Variants in UBR2 observed in about 807,000 individuals in gnomAD.
UBR2 encodes the protein E3 ubiquitin-protein ligase UBR2.
A neutral mutation model predicts 247.9 loss-of-function variants in UBR2; 92 were observed. The observed-to-expected ratio is 0.37, with a 90% confidence interval of 0.31 to 0.44. The LOEUF is 0.44. Ranked by LOEUF, UBR2 falls within the 20% of genes least tolerant of loss-of-function variation. The probability of loss-of-function intolerance (pLI) is 1.00; values close to 1 mark genes in which losing one functional copy is unlikely to be tolerated. For synonymous variants in UBR2, 672 were observed against 693.5 expected, an observed-to-expected ratio of 0.97 and a Z score of 0.49; for missense variants, 1,613 against 2,112.6, an observed-to-expected ratio of 0.76 and a Z score of 4.64.
intron 13 of UBR2, among the ~76,000 whole-genome samples, chr6:42,633,111 C>G (rs1190111270): frequency 6.6e-6 from 1 of 151,916 alleles, no homozygotes; most frequent in East Asian, 1.9e-4. Context: ...CTGCCTCAGC[C>G]TCCAAAGTTG....
chr6:42,656,111 A>G (rs746443833), intron 26 of UBR2, among the ~76,000 whole-genome samples: 4 of 152,200 alleles, frequency 2.6e-5, no homozygotes, highest in Non-Finnish European at 5.9e-5. Context: ...ATTGTCCAGT[A>G]AACATTCATA....
At chr6:42,654,497 G>T (rs1320764751) in intron 25 of UBR2, among the ~76,000 whole-genome samples, 1 of 152,092 alleles carries the variant, frequency 6.6e-6, no homozygotes, top group Non-Finnish European at 1.5e-5. Flanking sequence ...GGCCAAGGCG[G>T]GTAGATCACT....
At chr6:42,606,419 C>CCATTCCTTCAA (rs1409279987) in intron 6 of UBR2, among the ~76,000 whole-genome samples, 170 bp from the exon 7 acceptor site, 2 of 152,038 alleles carry the variant, frequency 1.3e-5, no homozygotes, top group Non-Finnish European at 2.9e-5. Flanking sequence ...GAAAAGTTAG[C>CCATTCCTTCAA]ATAGCTTTGA....
Position 42,646,285 on chromosome 6 carries a change from A to T in UBR2, c.2409+695A>T, listed in dbSNP as rs1029507594. Among the ~76,000 whole-genome samples the T allele has an allele frequency of 2.6e-5, 4 of 152,232 alleles. No individual in the cohort carries two copies. The South Asian group carries it at 8.3e-4, about 32-fold the overall frequency. On this transcript the variant is annotated intron_variant, in intron 21 of 46. Transcript: ENST00000372901. Reference sequence around the variant, plus strand: ...AAACCTTCAACCTTAATTAACATTTATTTTTCTGAGATTTCAACCTATCTT... The same window carrying T: ...AAACCTTCAACCTTAATTAACATTTTTTTTTCTGAGATTTCAACCTATCTT...
intron 2 of UBR2, among the ~76,000 whole-genome samples, chr6:42,590,433 A>G (rs1227929220): frequency 6.6e-6 from 1 of 152,248 alleles, no homozygotes; most frequent in African/African-American, 2.4e-5. Context: ...TGGCTCTCAG[A>G]TTGATATTTA....
At chr6:42,685,999 G>A (rs675721) in intron 44 of UBR2, among the ~76,000 whole-genome samples, 41,651 of 151,884 alleles carry the variant, frequency 0.27, 5,736 homozygotes, top group Non-Finnish European at 0.3. Flanking sequence ...TATTCTAAAT[G>A]GAATATTAAG....
chr6:42,632,715 A>G lies in UBR2; in HGVS notation c.1445A>G (p.Lys482Arg). Residue 482 changes from lysine (K) to arginine (R), a missense_variant and splice_region_variant, in exon 12 of 47, where the codon AAG becomes AGG. This residue lies in a region of UBR2 where 1,524 missense variants were observed against 1,967.3 expected (regional missense o/e 0.77). Transcript: ENST00000372901. Reference sequence around the variant, plus strand: ...GTACAGAGCCTTATTTTAGATCTCAAGTAAGTTTTCATTTAATTATTAAAC... The same window carrying G: ...GTACAGAGCCTTATTTTAGATCTCAGGTAAGTTTTCATTTAATTATTAAAC... The part of the protein sequence containing the change: ...RRVQSLILDL[K>R]YVLISKPTEW... The G allele has an allele frequency of 6.3e-7, 1 of 1,590,406 alleles. No homozygotes were observed. The highest frequency in any genetic ancestry group is 8.5e-7 in the Non-Finnish European group (1 of 1,171,948).
rs992011502 is a variant in UBR2, at chr6:42,616,489, T to TA, written c.1182+408dup. On this transcript the variant is annotated intron_variant, in intron 10 of 46. Coordinates refer to ENST00000372901, the MANE Select transcript of UBR2 (RefSeq NM_001363705.2). ...AAATTAGCATTGCAGTCTTAGTCTTTAAAAAAAAATAGATTTTTTTTTGGA... is the reference window on the plus strand; with the variant it reads ...AAATTAGCATTGCAGTCTTAGTCTTTAAAAAAAAAATAGATTTTTTTTTGGA... 1.9e-3 allele frequency among the ~76,000 whole-genome samples: 280 copies of TA among 150,690 alleles called. 1 individual carries two copies. The highest frequency in any genetic ancestry group is 9.9e-3 in the South Asian group (47 of 4,762).
At chr6:42,684,761 T>C (rs1799276835) in intron 43 of UBR2, 33 bp from the exon 44 acceptor site, 1 of 1,528,520 alleles carries the variant, frequency 6.5e-7, no homozygotes, top group Admixed American at 1.7e-5. Context: ...CCTAAATTAA[T>C]GGAGTGTTCT....
chr6:42,637,046 C>T lies in UBR2; in HGVS notation c.1710C>T (p.Leu570=), dbSNP rs762451751. 14 of 1,613,318 alleles carry T rather than the reference C, an allele frequency of 8.7e-6. No individual in the cohort carries two copies. Among genetic ancestry groups the T allele is most frequent in the East Asian group, 6.7e-5 (3 of 44,868 alleles). ...KVLIEAYKKC[L]AVLMQCHGGY... ...TAATCGAAGCTTACAAGAAATGTCT[C>T]GCTGTACTGATGCAGTGTCATGGTG... is the stretch of plus-strand genomic sequence containing the variant. The change falls in exon 15 of 47, where the codon CTC becomes CTT. Residue 570 remains leucine (L), a synonymous_variant. Coordinates refer to ENST00000372901, the MANE Select transcript of UBR2 (RefSeq NM_001363705.2).
chr6:42,566,337 C>T (rs1254159464), intron 1 of UBR2, among the ~76,000 whole-genome samples: 1 of 152,170 alleles, frequency 6.6e-6, no homozygotes, highest in African/African-American at 2.4e-5. Context: ...ATTTGGACTT[C>T]ATTTGAGTTT....
chr6:42,642,781 T>C (rs1343750273), intron 18 of UBR2, among the ~76,000 whole-genome samples: 3 of 152,222 alleles, frequency 2.0e-5, no homozygotes, highest in Admixed American at 6.5e-5. Context: ...TAAAGTCATA[T>C]ACCTGAAAGC....
At chr6:42,633,049 G>A (rs1795856916) in intron 13 of UBR2, 145 bp downstream of exon 13, 3 of 534,448 alleles carry the variant, frequency 5.6e-6, no homozygotes, top group Admixed American at 8.0e-5. Flanking sequence ...GCTAGTCATA[G>A]ACACAACCAT....
intron 1 of UBR2, among the ~76,000 whole-genome samples, chr6:42,572,016 T>C (rs1311194752): frequency 2.6e-5 from 4 of 152,256 alleles, no homozygotes; most frequent in South Asian, 2.1e-4. Flanking sequence ...GCCTGTAGGA[T>C]TGTCTCCTAA....
At chr6:42,622,334 T>C (rs981079166) in intron 11 of UBR2, among the ~76,000 whole-genome samples, 1 of 150,844 alleles carries the variant, frequency 6.6e-6, no homozygotes, top group Admixed American at 6.6e-5. Context: ...TCTTCTTTTG[T>C]TAGATTTATT....
At chr6:42,670,349 G>C in intron 35 of UBR2, 109 bp downstream of exon 35, 4 of 1,374,710 alleles carry the variant, frequency 2.9e-6, no homozygotes, top group Non-Finnish European at 4.0e-6. Flanking sequence ...ACAACGTGAA[G>C]AAATAATAAA....
At chr6:42,612,404 A>T in intron 8 of UBR2, 113 bp downstream of exon 8, 4 of 1,210,560 alleles carry the variant, frequency 3.3e-6, no homozygotes, top group Non-Finnish European at 4.4e-6. Flanking sequence ...TTAATTTTAC[A>T]TTTTAAAATA....
chr6:42,659,734 A>G lies in UBR2; in HGVS notation c.3321A>G (p.Thr1107=). 1.2e-6 allele frequency: 2 copies of G among 1,614,134 alleles called. No individual in the cohort carries two copies. The highest frequency in any genetic ancestry group is 2.2e-5 in the South Asian group (2 of 91,086). Residue 1107 remains threonine (T), a synonymous_variant, in exon 30 of 47, where the codon ACA becomes ACG. Coordinates refer to ENST00000372901, the MANE Select transcript of UBR2 (RefSeq NM_001363705.2). This position sits in a 1 kb window ranked among gnomAD's most constrained non-coding sequence, Gnocchi z 4.3. ...TTCCTGAACAAAGACAATTCGTTAC[A>G]TGTATATTGTGTCAAGAGGAGCAAG... ...TQVPEQRQFV[T]CILCQEEQEV... is the part of the protein sequence containing the mutation.
At chr6:42,577,164 G>A (rs1791576266) in intron 2 of UBR2, among the ~76,000 whole-genome samples, 1 of 152,172 alleles carries the variant, frequency 6.6e-6, no homozygotes. Context: ...CACGGAGTCT[G>A]TTATTTGGAA....
Sources: gnomAD v4.1 joint callset for allele counts (sites outside exome capture counted in the v4.1 genomes callset) on GRCh38, gnomAD v4.1.1 for gene constraint, gnomAD v4.1.1 regional missense constraint, Gnocchi (gnomAD v3.1) non-coding constraint, MANE v1.5 for transcripts, NCBI Gene and HGNC (gene_info 2026-07-23, HGNC 2026-07-21) for gene names.